ADAM28: variants seen among roughly 807,000 people sequenced by gnomAD.
ADAM28 encodes the protein disintegrin and metalloproteinase domain-containing protein 28.
Under a neutral mutation model 101.2 loss-of-function variants are expected in ADAM28, and 105 were observed. The ratio of observed to expected loss-of-function variants is 1.04; its 90% CI spans 0.89 to 1.22. The LOEUF is 1.22. ADAM28 is among the 50% of genes most tolerant of loss of function. The probability of loss-of-function intolerance (pLI) is 0.00; values close to 1 mark genes in which losing one functional copy is unlikely to be tolerated. For missense variants in ADAM28, 1,028 were observed against 945.4 expected (o/e 1.09, Z -1.15); for synonymous variants, 322 against 310.6 (o/e 1.04, Z -0.39).
At chr8:24,307,833 T>C (rs1202082356) in intron 2 of ADAM28, among the ~76,000 whole-genome samples, 1 of 152,170 alleles carries the variant, frequency 6.6e-6, no homozygotes, top group East Asian at 1.9e-4. Context: ...TACAGCACAA[T>C]TCCTCCCTCA....
chr8:24,335,561 C>G lies in ADAM28; in HGVS notation c.1487C>G (p.Pro496Arg). The G allele has an allele frequency of 6.2e-7, 1 of 1,613,974 alleles. No homozygotes were observed. The highest frequency in any genetic ancestry group is 8.5e-7 in the Non-Finnish European group (1 of 1,179,936). ...PDDRFQVNGF[P>R]CHHGKGHCLM... ...GATAGATTCCAAGTCAATGGCTTCC[C>G]TTGCCATCACGGGAAGGGCCACTGC... Residue 496 changes from proline (P) to arginine (R), a missense_variant, in exon 14 of 23, where the codon CCT becomes CGT. Pro to Arg is a moderately radical substitution (Grantham distance 103, BLOSUM62 -2). Transcript: ENST00000265769.
rs71212530 is a variant in ADAM28, at chr8:24,355,673, A to ATAGATAGT, written c.*1269_*1270insTAGATAGT. The ATAGATAGT allele has an allele frequency of 6.6e-6, 1 of 151,784 alleles. No homozygotes were observed. The highest frequency in any genetic ancestry group is 2.4e-5 in the African/African-American group (1 of 41,342). The allele number at this position is 151,784 out of a possible 1,614,324, so 9.4% of individuals were successfully genotyped here. On this transcript the variant is annotated 3_prime_UTR_variant, in exon 23 of 23. Coordinates refer to ENST00000265769, the MANE Select transcript of ADAM28 (RefSeq NM_014265.6). ...TATGAAGGCTGAAAAAGATAGATAGAGCAGAAAGATGAAAAGAATAAAACC... is the reference window on the plus strand; with the variant it reads ...TATGAAGGCTGAAAAAGATAGATAGATAGATAGTGCAGAAAGATGAAAAGAATAAAACC...
intron 8 of ADAM28, among the ~76,000 whole-genome samples, chr8:24,322,135 T>C (rs1487355604): frequency 2.6e-5 from 4 of 152,018 alleles, no homozygotes; most frequent in Non-Finnish European, 4.4e-5. Context: ...TTCCTTTTTA[T>C]GCTGATGGGA....
intron 15 of ADAM28, 62 bp from the exon 16 acceptor site, chr8:24,341,536 C>A: frequency 6.5e-7 from 1 of 1,527,630 alleles, no homozygotes; most frequent in Non-Finnish European, 9.0e-7. Flanking sequence ...TATCCATAGT[C>A]CTAGAGCATT....
intron 8 of ADAM28, 82 bp downstream of exon 8, chr8:24,321,371 A>T: frequency 1.7e-6 from 2 of 1,161,958 alleles, no homozygotes; most frequent in East Asian, 4.7e-5. Flanking sequence ...CACATGAAGC[A>T]TGGAAGCAAA....
Position 24,339,511 on chromosome 8 carries a change from G to T in ADAM28, c.1613G>T (p.Gly538Val). 18 of 1,613,358 alleles carry T rather than the reference G, an allele frequency of 1.1e-5. No homozygotes were observed. Among genetic ancestry groups the T allele is most frequent in the Non-Finnish European group, 1.5e-5 (18 of 1,179,620 alleles). Residue 538 changes from glycine (G) to valine (V), a missense_variant, in exon 15 of 23, where the codon GGG becomes GTG. Physicochemically the swap from Gly to Val is moderately radical, Grantham distance 109. Transcript: ENST00000265769. ...TCATGTTACAACAGGAATGAAGGTG[G>T]GTCAAAGTACGGGTACTGTCGCAGA... ...DKSCYNRNEG[G>V]SKYGYCRRVD... is the part of the protein sequence containing the mutation.
chr8:24,342,117 A>G (rs1814854693), intron 16 of ADAM28, among the ~76,000 whole-genome samples: 1 of 152,214 alleles, frequency 6.6e-6, no homozygotes, highest in Non-Finnish European at 1.5e-5. Flanking sequence ...GTGCCAGTGT[A>G]TGTGATACTG....
At chr8:24,348,212 C>CT (rs960622542) in intron 18 of ADAM28, among the ~76,000 whole-genome samples, 17 of 151,940 alleles carry the variant, frequency 1.1e-4, no homozygotes, top group Non-Finnish European at 1.6e-4. Flanking sequence ...AATTCATTTG[C>CT]TTTTTTAAAA....
chr8:24,337,811 T>C (rs1322409594), intron 14 of ADAM28, among the ~76,000 whole-genome samples: 1 of 152,232 alleles, frequency 6.6e-6, no homozygotes, highest in Non-Finnish European at 1.5e-5. Flanking sequence ...TTCCCACAAA[T>C]CAATTCTAAT....
intron 2 of ADAM28, among the ~76,000 whole-genome samples, chr8:24,309,050 A>C (rs1585542894): frequency 6.6e-6 from 1 of 152,236 alleles, no homozygotes; most frequent in East Asian, 1.9e-4. Flanking sequence ...GAGTGCAACC[A>C]CAGCCAATAA....
intron 9 of ADAM28, among the ~76,000 whole-genome samples, chr8:24,325,640 A>G (rs1427503033): frequency 2.0e-5 from 3 of 151,812 alleles, no homozygotes; most frequent in African/African-American, 4.8e-5. Flanking sequence ...TTCAAAATAA[A>G]TATCTGAAAT....
intron 16 of ADAM28, 189 bp from the exon 17 acceptor site, chr8:24,342,912 A>T (rs1184764361): frequency 9.8e-7 from 1 of 1,018,266 alleles, no homozygotes; most frequent in Non-Finnish European, 1.4e-6. Flanking sequence ...AGACTTTATC[A>T]ACCTTTTTGG....
intron 8 of ADAM28, 26 bp from the exon 9 acceptor site, chr8:24,323,808 C>T (rs1812192658): frequency 1.9e-6 from 3 of 1,582,846 alleles, no homozygotes; most frequent in Non-Finnish European, 1.7e-6. Flanking sequence ...TAATTAATTG[C>T]TTTGCCATTT....
At chr8:24,309,778 T>C in intron 2 of ADAM28, 116 bp from the exon 3 acceptor site, 4 of 717,820 alleles carry the variant, frequency 5.6e-6, no homozygotes, top group Non-Finnish European at 9.3e-6. Flanking sequence ...GAGGCAAGTA[T>C]TTGGTATTAT....
At position 24,343,501 on chromosome 8, in the gene ADAM28, C is replaced by T. The variant is rs775242095; in HGVS notation, c.1912-5C>T. 28 of 1,613,478 alleles carry T rather than the reference C, an allele frequency of 1.7e-5. No homozygotes were observed. Among genetic ancestry groups the T allele is most frequent in the Non-Finnish European group, 2.3e-5 (27 of 1,179,766 alleles). ...GGGACAGTAACAGGATCATTGCTCC[C>T]CTAGGTGTGTGACCATGAGCTCCAG... is the stretch of plus-strand genomic sequence containing the variant. On this transcript the variant is annotated splice_polypyrimidine_tract_variant and splice_region_variant and intron_variant, in intron 17 of 22. Transcript: ENST00000265769.
chr8:24,331,352 G>T (rs998163775), intron 12 of ADAM28, 25 bp downstream of exon 12: 2 of 1,564,248 alleles, frequency 1.3e-6, no homozygotes, highest in South Asian at 1.2e-5. Context: ...TTTCTAAAAC[G>T]ATCTAGTTGG....
intron 19 of ADAM28, 118 bp from the exon 20 acceptor site, chr8:24,351,114 C>T: frequency 1.3e-6 from 1 of 767,348 alleles, no homozygotes; most frequent in Non-Finnish European, 2.0e-6. Context: ...GATAAAAACC[C>T]AGGCAATAGG....
intron 8 of ADAM28, among the ~76,000 whole-genome samples, chr8:24,323,205 T>A (rs1032745807): frequency 2.0e-5 from 3 of 151,766 alleles, no homozygotes; most frequent in African/African-American, 7.3e-5. Context: ...TCTCTGGGGA[T>A]CTCTTTAAGG....
chr8:24,352,172 T>G lies in ADAM28; in HGVS notation c.2244+120T>G, dbSNP rs984222540. The G allele has an allele frequency of 5.6e-6, 5 of 886,262 alleles. No individual in the cohort carries two copies. The African/African-American group carries it at 8.6e-5, about 15-fold the overall frequency. 54.9% of individuals were successfully genotyped at this position (886,262 alleles called of 1,614,324 possible). A position where few individuals can be genotyped will look rare whatever the true frequency, so the allele number is the denominator to read the frequency against. On this transcript the variant is annotated intron_variant, in intron 21 of 22. Coordinates refer to ENST00000265769, the MANE Select transcript of ADAM28 (RefSeq NM_014265.6). Reference sequence around the variant, plus strand: ...GACAATATTGAAATCTATGTGAATATTAATATAAAATACAAATTCTTCTGC... The same window carrying G: ...GACAATATTGAAATCTATGTGAATAGTAATATAAAATACAAATTCTTCTGC...
Sources: allele counts gnomAD v4.1 joint callset (sites outside exome capture counted in the v4.1 genomes callset), GRCh38; gene constraint gnomAD v4.1.1; transcripts MANE v1.5; gene names NCBI Gene and HGNC (gene_info 2026-07-23, HGNC 2026-07-21).